TRAPPC9: variants seen among roughly 807,000 people sequenced by gnomAD.
TRAPPC9 encodes trafficking protein particle complex subunit 9, also known as IKK2 binding protein.
A neutral mutation model predicts 124.0 loss-of-function variants in TRAPPC9; 83 were observed. The observed-to-expected ratio is 0.67, with a 90% confidence interval of 0.56 to 0.80. The LOEUF is 0.80. Ranked by LOEUF, TRAPPC9 falls within the 30% of genes least tolerant of loss-of-function variation. The probability of loss-of-function intolerance (pLI) is 0.00; values close to 1 mark genes in which losing one functional copy is unlikely to be tolerated. For synonymous variants in TRAPPC9, 638 were observed against 617.5 expected (o/e 1.03, Z -0.49); for missense variants, 1,302 against 1,508.3 (o/e 0.86, Z 2.27).
At chr8:139,853,460 G>GA (rs1327125957) in intron 21 of TRAPPC9, among the ~76,000 whole-genome samples, 2 of 152,258 alleles carry the variant, frequency 1.3e-5, no homozygotes, top group Non-Finnish European at 2.9e-5. Context: ...GGACTGGGAA[G>GA]AAAGGGACAG....
chr8:139,979,985 C>T (rs1320590916), intron 19 of TRAPPC9, among the ~76,000 whole-genome samples: 4 of 152,134 alleles, frequency 2.6e-5, no homozygotes, highest in Admixed American at 6.5e-5. Context: ...AGGGAAGAAG[C>T]GATCTGCTCT....
At chr8:140,272,362 G>GGTTGTGGTGTGGTA (rs544070985) in intron 15 of TRAPPC9, among the ~76,000 whole-genome samples, 5 of 144,286 alleles carry the variant, frequency 3.5e-5, no homozygotes, top group African/African-American at 8.4e-5. Context: ...AGAGAGTGGT[G>GGTTGTGGTGTGGTA]GTAGTGAGGG....
Position 139,947,191 on chromosome 8 carries a change from C to G in TRAPPC9, c.2811-36891G>C, listed in dbSNP as rs139018882. Among the ~76,000 whole-genome samples, 369 of 152,234 alleles carry G rather than the reference C, an allele frequency of 2.4e-3. 8 individuals are homozygous for G. The highest frequency in any genetic ancestry group is 0.023 in the Admixed American group (349 of 15,296). ...AAAGAAATATTAGCATGATAGGGAA[C>G]AGAGGAAATGAACTACACGCGCATT... On this transcript the variant is annotated intron_variant, in intron 19 of 22. Transcript: ENST00000438773.
At chr8:140,042,993 C>T (rs1025984064) in intron 17 of TRAPPC9, among the ~76,000 whole-genome samples, 6 of 152,168 alleles carry the variant, frequency 3.9e-5, no homozygotes, top group Non-Finnish European at 7.3e-5. Flanking sequence ...ACTTCCCTAC[C>T]AAACTGTTTT....
At chr8:140,013,669 A>T (rs1839276792) in intron 18 of TRAPPC9, among the ~76,000 whole-genome samples, 1 of 152,222 alleles carries the variant, frequency 6.6e-6, no homozygotes, top group Non-Finnish European at 1.5e-5. Context: ...GCCTGTGTTT[A>T]CAAGACTGGC....
chr8:139,964,122 G>A (rs1835536608), intron 19 of TRAPPC9, among the ~76,000 whole-genome samples: 2 of 151,342 alleles, frequency 1.3e-5, no homozygotes, highest in Admixed American at 6.6e-5. Flanking sequence ...TACTTGGGAG[G>A]CTGAGGCAGG....
chr8:139,880,907 G>A (rs1829640893), intron 21 of TRAPPC9, among the ~76,000 whole-genome samples: 1 of 152,240 alleles, frequency 6.6e-6, no homozygotes, highest in Admixed American at 6.5e-5. Flanking sequence ...GCACCGCTGA[G>A]CTGCTCACTG....
intron 19 of TRAPPC9, among the ~76,000 whole-genome samples, chr8:139,920,144 G>A (rs887037099): frequency 3.9e-5 from 6 of 152,164 alleles, no homozygotes; most frequent in Middle Eastern, 6.3e-3. Context: ...TCAGGAGTTC[G>A]AGACCAGCCT....
At chr8:139,923,171 T>C (rs1183544929) in intron 19 of TRAPPC9, among the ~76,000 whole-genome samples, 3 of 151,612 alleles carry the variant, frequency 2.0e-5, no homozygotes, top group Non-Finnish European at 4.4e-5. Context: ...TCAGCCTCCA[T>C]GGAAATAAAC....
chr8:139,731,933 C>T (rs369765537), intron 22 of TRAPPC9, 46 bp downstream of exon 22: 48 of 1,530,010 alleles, frequency 3.1e-5, no homozygotes, highest in Admixed American at 1.2e-4. Flanking sequence ...GGGATGATGA[C>T]CACATGGCCA....
At chr8:140,174,406 G>A (rs2062022540) in intron 17 of TRAPPC9, among the ~76,000 whole-genome samples, 1 of 152,004 alleles carries the variant, frequency 6.6e-6, no homozygotes, top group African/African-American at 2.4e-5. Flanking sequence ...ATAAATTGAG[G>A]TATAATTCAC....
rs867936028 is a variant in TRAPPC9, at chr8:140,156,951, A to G, written c.2556+64508T>C. 2.8e-3 allele frequency among the ~76,000 whole-genome samples: 388 copies of G among 137,372 alleles called. 4 individuals carry two copies. Among genetic ancestry groups the G allele is most frequent in the East Asian group, 0.011 (52 of 4,718 alleles). 90.1% of individuals were successfully genotyped at this position (137,372 alleles called of 152,430 possible). ...TTGGAAAAGCCTCCCTTTCCATTCA[A>G]AAGCCTCCCTTTTCCATTCAAAAGC... On this transcript the variant is annotated intron_variant, in intron 17 of 22. Transcript: ENST00000438773.
At chr8:140,419,565 A>G (rs1033596367) in intron 5 of TRAPPC9, among the ~76,000 whole-genome samples, 18 of 151,930 alleles carry the variant, frequency 1.2e-4, no homozygotes, top group Non-Finnish European at 7.4e-5. Flanking sequence ...TCTCCCTACA[A>G]TCAAGGATAA....
At chr8:140,409,948 T>C (rs900343403) in intron 5 of TRAPPC9, among the ~76,000 whole-genome samples, 13 of 151,800 alleles carry the variant, frequency 8.6e-5, no homozygotes, top group African/African-American at 2.9e-4. Context: ...ACTAGCCTGA[T>C]CAACGTGGCA....
chr8:140,166,744 T>C (rs547323642), intron 17 of TRAPPC9, among the ~76,000 whole-genome samples: 29 of 152,344 alleles, frequency 1.9e-4, no homozygotes, highest in Non-Finnish European at 3.2e-4. Context: ...TCTAGACACC[T>C]GCACCTAGAG....
chr8:139,853,800 G>A (rs991781662), intron 21 of TRAPPC9, among the ~76,000 whole-genome samples: 1 of 152,168 alleles, frequency 6.6e-6, no homozygotes, highest in Non-Finnish European at 1.5e-5. Flanking sequence ...CCTCTCAATG[G>A]ACAAGGGCCT....
At chr8:139,960,535 A>G (rs980990610) in intron 19 of TRAPPC9, among the ~76,000 whole-genome samples, 6 of 152,226 alleles carry the variant, frequency 3.9e-5, no homozygotes, top group African/African-American at 1.4e-4. Flanking sequence ...CAGCTCCACT[A>G]CTACCCGTAT....
At chr8:140,130,749 A>G (rs1422496021) in intron 17 of TRAPPC9, among the ~76,000 whole-genome samples, 1 of 152,144 alleles carries the variant, frequency 6.6e-6, no homozygotes, top group Admixed American at 6.5e-5. Context: ...CACACAGGAA[A>G]GTGCTTGGGG....
intron 19 of TRAPPC9, among the ~76,000 whole-genome samples, chr8:139,945,543 C>CAAAAAAAAAAAAAAA (rs61528944): frequency 2.3e-4 from 15 of 66,166 alleles, no homozygotes; most frequent in Admixed American, 2.5e-4. Context: ...GCACAATTAG[C>CAAAAAAAAAAAAAAA]AAAAAAAAAA....
Sources: gnomAD v4.1 joint callset for allele counts (sites outside exome capture counted in the v4.1 genomes callset) on GRCh38, gnomAD v4.1.1 for gene constraint, MANE v1.5 for transcripts, NCBI Gene and HGNC (gene_info 2026-07-23, HGNC 2026-07-21) for gene names.